The following TRIO variants were observed in gnomAD, a reference collection of about 807,000 sequenced individuals.
TRIO encodes the protein triple functional domain protein.
Under a neutral mutation model 351.9 loss-of-function variants are expected in TRIO, and 58 were observed. The ratio of observed to expected loss-of-function variants is 0.16; its 90% confidence interval spans 0.13 to 0.21. The LOEUF (loss-of-function observed/expected upper bound fraction) is 0.21, where lower values mean the gene tolerates loss of function less well. Ranked by LOEUF, TRIO falls within the 10% of genes least tolerant of loss-of-function variation. The probability of loss-of-function intolerance (pLI) is 1.00; values close to 1 mark genes in which losing one functional copy is unlikely to be tolerated. For missense variants in TRIO, 3,201 were observed against 4,027.8 expected (o/e 0.79, Z 5.56); for synonymous variants, 1,758 against 1,595.7 (o/e 1.10, Z -2.42).
At chr5:14,148,561 C>T (rs534218037) in intron 1 of TRIO, among the ~76,000 whole-genome samples, 2 of 152,176 alleles carry the variant, frequency 1.3e-5, no homozygotes, top group South Asian at 4.1e-4. Flanking sequence ...CACCCTGCCC[C>T]CATTCCTCCT....
At chr5:14,257,160 C>T (rs534767061) in intron 1 of TRIO, among the ~76,000 whole-genome samples, 108 of 152,326 alleles carry the variant, frequency 7.1e-4, no homozygotes, top group African/African-American at 2.5e-3. Context: ...CTCTGGCGAC[C>T]TCCTGCTGTC....
At chr5:14,446,156 C>T (rs1018339244) in intron 34 of TRIO, among the ~76,000 whole-genome samples, 6 of 151,244 alleles carry the variant, frequency 4.0e-5, no homozygotes, top group Non-Finnish European at 1.5e-5. Flanking sequence ...CTCCCTCGCT[C>T]CCTTCCTCTA....
In TRIO at chr5:14,461,175, G is replaced by T; in HGVS notation, c.5360G>T (p.Gly1787Val). 6.4e-7 allele frequency: 1 copy of T among 1,559,104 alleles called. No homozygotes were observed. Among genetic ancestry groups the T allele is most frequent in the Non-Finnish European group, 8.7e-7 (1 of 1,152,272 alleles). ...AGCCCCGTGCGGCGGCTCAGCAGCG[G>T]CAAGGCCGACGGGCACGTGAAGAAG... ...LTSPVRRLSS[G>V]KADGHVKKLA... The change falls in exon 35 of 57, where the codon GGC (glycine) becomes GTC (valine). Residue 1787 changes from glycine to valine, a missense_variant. Transcript: ENST00000344204.
At chr5:14,219,974 A>ATTT (rs34731809) in intron 1 of TRIO, among the ~76,000 whole-genome samples, 5 of 129,366 alleles carry the variant, frequency 3.9e-5, no homozygotes, top group East Asian at 2.2e-4. Flanking sequence ...ATGTACAGGC[A>ATTT]TTTTTTTTTT....
intron 3 of TRIO, among the ~76,000 whole-genome samples, chr5:14,282,567 A>G (rs1736094474): frequency 6.8e-6 from 1 of 147,296 alleles, no homozygotes; most frequent in Admixed American, 6.6e-5. Flanking sequence ...ACCCACTTTA[A>G]AAAAAAAACC....
At chr5:14,212,795 GA>G (rs1450996052) in intron 1 of TRIO, among the ~76,000 whole-genome samples, 1 of 152,116 alleles carries the variant, frequency 6.6e-6, no homozygotes, top group Non-Finnish European at 1.5e-5. Flanking sequence ...TTTACACATT[GA>G]ATTTGCTTTG....
At chr5:14,435,814 C>G (rs1174690525) in intron 34 of TRIO, among the ~76,000 whole-genome samples, 1 of 152,222 alleles carries the variant, frequency 6.6e-6, no homozygotes, top group Non-Finnish European at 1.5e-5. Context: ...TGTTTTAGAG[C>G]ACTCCTTTAC....
chr5:14,203,675 G>T (rs529808955), intron 1 of TRIO, among the ~76,000 whole-genome samples: 1 of 152,210 alleles, frequency 6.6e-6, no homozygotes, highest in Non-Finnish European at 1.5e-5. Context: ...TCAAGCATGG[G>T]AATGGAGCCC....
rs1252800067 is a variant in TRIO at position 14,207,359 on chromosome 5, C to CAGAG, written c.158-63465_158-63464insGAGA. ...ACACACACACACACACACACACACA[C>CAGAG]ACAGAGCCAGGTAGCATAGCAAGAC... On this transcript the variant is annotated intron_variant, in intron 1 of 56. Transcript: ENST00000344204. Among the ~76,000 whole-genome samples the CAGAG allele has an allele frequency of 1.6e-4, 4 of 24,622 alleles. 1 individual carries two copies. The highest frequency in any genetic ancestry group is 2.9e-4 in the African/African-American group (3 of 10,486). The allele number at this position is 24,622 out of a possible 152,430, so 16.2% of individuals were successfully genotyped here.
intron 34 of TRIO, among the ~76,000 whole-genome samples, chr5:14,436,674 T>TC (rs1293916718): frequency 4.6e-5 from 7 of 152,156 alleles, no homozygotes; most frequent in Admixed American, 1.3e-4. Flanking sequence ...CCATTCCAAA[T>TC]GGAAGAAATT....
At chr5:14,485,486 G>A (rs1478580951) in intron 47 of TRIO, among the ~76,000 whole-genome samples, 1 of 152,154 alleles carries the variant, frequency 6.6e-6, no homozygotes, top group Admixed American at 6.5e-5. Flanking sequence ...AATTTGCTTC[G>A]AGTCCCACAA....
chr5:14,472,658 G>GGTGTGTA lies in TRIO; in HGVS notation c.5979+1_5979+7dup. On this transcript the variant is annotated frameshift_variant and splice_region_variant. Transcript: ENST00000344204. LOFTEE classifies it high-confidence loss of function. ...TGCGGGACCTTGGCTATGTGGTTGA[G>GGTGTGTA]GTGTGTATTGCCAGAAATTTAGTAT... 1 of 1,613,608 alleles carries GGTGTGTA rather than the reference G, an allele frequency of 6.2e-7. No individual in the cohort carries two copies.
At chr5:14,429,883 C>G (rs1477007570) in intron 34 of TRIO, among the ~76,000 whole-genome samples, 2 of 152,110 alleles carry the variant, frequency 1.3e-5, no homozygotes, top group African/African-American at 4.8e-5. Context: ...ATGTTTTGCT[C>G]CTGGCTTTTA....
rs752604392 is a variant in TRIO at position 14,200,782 on chromosome 5, G to A, written c.157+56900G>A. Among the ~76,000 whole-genome samples the A allele has an allele frequency of 4.6e-5, 7 of 151,946 alleles. No homozygotes were observed. In the South Asian group the frequency reaches 1.5e-3, roughly 32 times the overall value. On this transcript the variant is annotated intron_variant, in intron 1 of 56. Coordinates refer to ENST00000344204, the MANE Select transcript of TRIO (RefSeq NM_007118.4). Reference sequence around the variant, plus strand: ...TCCTACTCTTAGTTTCTGCTTTGATGTGGTTACTGCTGTTGTTTAGCGTAA... The same window carrying A: ...TCCTACTCTTAGTTTCTGCTTTGATATGGTTACTGCTGTTGTTTAGCGTAA...
At chr5:14,369,651 C>T in intron 18 of TRIO, 128 bp downstream of exon 18, 1 of 1,201,126 alleles carries the variant, frequency 8.3e-7, no homozygotes. Flanking sequence ...TGTAACGGGG[C>T]AGTGTCGCAT....
intron 1 of TRIO, among the ~76,000 whole-genome samples, chr5:14,260,380 G>T (rs1307609854): frequency 4.6e-5 from 7 of 152,088 alleles, no homozygotes; most frequent in Non-Finnish European, 1.0e-4. Context: ...GTTTTATTTT[G>T]TTTTAGAGTA....
intron 34 of TRIO, among the ~76,000 whole-genome samples, chr5:14,459,990 A>G (rs1222888680): frequency 2.0e-5 from 3 of 151,492 alleles, no homozygotes; most frequent in Non-Finnish European, 4.4e-5. Context: ...ATCTTGGCCC[A>G]CCGCAAGCTC....
At chr5:14,211,876 C>T (rs1177637113) in intron 1 of TRIO, among the ~76,000 whole-genome samples, 1 of 151,462 alleles carries the variant, frequency 6.6e-6, no homozygotes, top group East Asian at 1.9e-4. Context: ...CTTTGAGAGG[C>T]CAAAGTAGAA....
intron 40 of TRIO, 86 bp from the exon 41 acceptor site, chr5:14,476,804 GAAAA>G (rs539201269): frequency 3.7e-5 from 39 of 1,046,944 alleles, no homozygotes; most frequent in Non-Finnish European, 4.7e-5. Flanking sequence ...AAAAAAAAAA[GAAAA>G]AAAGAAAAAG....
Sources: gnomAD v4.1 joint callset for allele counts (sites outside exome capture counted in the v4.1 genomes callset) on GRCh38, gnomAD v4.1.1 for gene constraint, MANE v1.5 for transcripts, NCBI Gene and HGNC (gene_info 2026-07-23, HGNC 2026-07-21) for gene names.